The following MAPKAP1 variants were observed in gnomAD, a reference collection of about 807,000 sequenced individuals.
MAPKAP1 encodes target of rapamycin complex 2 subunit MAPKAP1.
MAPKAP1 carries 20 observed loss-of-function variants against 65.7 expected under a neutral mutation model. The observed-to-expected ratio is 0.30, with a 90% CI of 0.21 to 0.44. MAPKAP1 has a LOEUF of 0.44. Among genes scored for constraint, MAPKAP1 ranks in the 20% least tolerant of loss-of-function variants. The pLI is 1.00. For synonymous variants in MAPKAP1, 222 were observed against 244.3 expected, an observed-to-expected ratio of 0.91 and a Z score of 0.85; for missense variants, 423 against 648.0, an observed-to-expected ratio of 0.65 and a Z score of 3.77.
At chr9:125,616,821 A>G (rs980165489) in intron 4 of MAPKAP1, among the ~76,000 whole-genome samples, 42 of 152,328 alleles carry the variant, frequency 2.8e-4, no homozygotes, top group African/African-American at 9.9e-4. Context: ...ATCTGCATGT[A>G]TTCCCTAACA....
intron 7 of MAPKAP1, among the ~76,000 whole-genome samples, chr9:125,518,300 G>C (rs1018386115): frequency 6.6e-6 from 1 of 151,932 alleles, no homozygotes; most frequent in African/African-American, 2.4e-5. Flanking sequence ...AAGTTGGTTG[G>C]GTGCAGTGGC....
chr9:125,505,567 C>T (rs1303614337), intron 8 of MAPKAP1, among the ~76,000 whole-genome samples: 8 of 152,242 alleles, frequency 5.3e-5, no homozygotes, highest in Non-Finnish European at 1.2e-4. Flanking sequence ...GGGACTCAAA[C>T]GAGAGGTGGA....
At position 125,527,749 on chromosome 9, in the gene MAPKAP1, A is replaced by G. The variant is rs543444295; in HGVS notation, c.958+15310T>C. Among the ~76,000 whole-genome samples, 73 of 152,258 alleles carry G rather than the reference A, an allele frequency of 4.8e-4. No individual in the cohort carries two copies. In the South Asian group the frequency reaches 0.015, roughly 30 times the overall value. ...CCTTACGTGACTATCAATGTTTAAA[A>G]TGTCTGCTTTTGGTATACTCCTCTG... On this transcript the variant is annotated intron_variant, in intron 7 of 11. Coordinates refer to ENST00000265960, the MANE Select transcript of MAPKAP1 (RefSeq NM_001006617.3).
Position 125,488,995 on chromosome 9 carries a change from C to A in MAPKAP1, c.1067-4412G>T, listed in dbSNP as rs377019619. On this transcript the variant is annotated intron_variant, in intron 8 of 11. Coordinates refer to ENST00000265960, the MANE Select transcript of MAPKAP1 (RefSeq NM_001006617.3). ...TATACGTTTACTGTTTGTATCTTTCCAGAAAGGAGTGAACCCAACCACACA... is the reference window on the plus strand; with the variant it reads ...TATACGTTTACTGTTTGTATCTTTCAAGAAAGGAGTGAACCCAACCACACA... Among the ~76,000 whole-genome samples the A allele has an allele frequency of 8.7e-4, 133 of 152,246 alleles. 1 individual carries two copies. The highest frequency in any genetic ancestry group is 1.6e-3 in the Non-Finnish European group (110 of 68,008).
At position 125,657,709 on chromosome 9, in the gene MAPKAP1, T is replaced by G. The variant is rs778480574; in HGVS notation, c.440A>C (p.Glu147Ala). Reference protein sequence around the residue: ...GKQSILSVRLEQCPLQLNNPF... With the variant: ...GKQSILSVRLAQCPLQLNNPF... Reference sequence around the variant, plus strand: ...GTTATTCAGCTGCAGAGGGCACTGTTCTAGGCGTACAGATAATATCGACTG... The same window carrying G: ...GTTATTCAGCTGCAGAGGGCACTGTGCTAGGCGTACAGATAATATCGACTG... The change falls in exon 4 of 12, where the codon GAA becomes GCA. Residue 147 changes from glutamate to alanine, a missense_variant. This residue lies in a region of MAPKAP1 where 67 missense variants were observed against 69.6 expected (regional missense o/e 0.96). Coordinates refer to ENST00000265960, the MANE Select transcript of MAPKAP1 (RefSeq NM_001006617.3). 7 of 1,613,904 alleles carry G rather than the reference T, an allele frequency of 4.3e-6. No individual in the cohort carries two copies. Among genetic ancestry groups the G allele is most frequent in the South Asian group, 2.2e-5 (2 of 91,070 alleles).
chr9:125,645,555 G>T (rs1001830273), intron 4 of MAPKAP1, among the ~76,000 whole-genome samples: 1 of 152,012 alleles, frequency 6.6e-6, no homozygotes, highest in Non-Finnish European at 1.5e-5. Flanking sequence ...TGGCCAACAT[G>T]GTGAAACCCC....
chr9:125,470,045 C>T (rs974762313), intron 9 of MAPKAP1, among the ~76,000 whole-genome samples: 2 of 152,124 alleles, frequency 1.3e-5, no homozygotes, highest in African/African-American at 4.8e-5. Flanking sequence ...CCGTGCTCCA[C>T]ATTCTTTTCT....
chr9:125,611,764 A>G (rs1832607413), intron 4 of MAPKAP1, among the ~76,000 whole-genome samples: 1 of 152,232 alleles, frequency 6.6e-6, no homozygotes, highest in Non-Finnish European at 1.5e-5. Context: ...AAAAATAGCA[A>G]TTCTGAAATT....
intron 10 of MAPKAP1, among the ~76,000 whole-genome samples, chr9:125,455,546 A>C (rs1853131723): frequency 6.6e-6 from 1 of 152,266 alleles, no homozygotes; most frequent in African/African-American, 2.4e-5. Flanking sequence ...TCAAAATTTA[A>C]TCATCAAATA....
intron 1 of MAPKAP1, chr9:125,696,292 T>A (rs1458134565): frequency 6.6e-6 from 1 of 151,794 alleles, no homozygotes; most frequent in East Asian, 1.9e-4. Flanking sequence ...ATGCCTGTAG[T>A]CCCAGCTGCT....
In MAPKAP1 at chr9:125,452,619, T is replaced by C. The variant is rs150495184; in HGVS notation, c.1346-8021A>G. On this transcript the variant is annotated intron_variant, in intron 10 of 11. Coordinates refer to ENST00000265960, the MANE Select transcript of MAPKAP1 (RefSeq NM_001006617.3). ...TGTGGATTATACCTATCAACATTTA[T>C]TGTGTTAGAAATTCGGCCAGGTGTG... 3.4e-3 allele frequency among the ~76,000 whole-genome samples: 521 copies of C among 152,238 alleles called. 3 individuals are homozygous for C. Among genetic ancestry groups the C allele is most frequent in the African/African-American group, 0.012 (493 of 41,536 alleles).
rs565702273 is a variant in MAPKAP1, at chr9:125,698,105, CA to C, written c.-70+8865del. Reference sequence around the variant, plus strand: ...TGCTTTTCAGTACTCTGAGTCAAAACAAAGGTCAAGTCCTAGTTTTGCTACT... The same window carrying C: ...TGCTTTTCAGTACTCTGAGTCAAAACAAGGTCAAGTCCTAGTTTTGCTACT... On this transcript the variant is annotated intron_variant, in intron 1 of 11. Transcript: ENST00000265960. Among the ~76,000 whole-genome samples, 30 of 151,254 alleles carry C rather than the reference CA, an allele frequency of 2.0e-4. No homozygotes were observed. The South Asian group carries it at 6.0e-3, about 30-fold the overall frequency.
At position 125,647,255 on chromosome 9, in the gene MAPKAP1, T is replaced by C. The variant is rs900935916; in HGVS notation, c.498+10396A>G. 2.6e-5 allele frequency among the ~76,000 whole-genome samples: 4 copies of C among 152,332 alleles called. No individual in the cohort carries two copies. In the East Asian group the frequency reaches 7.7e-4, roughly 29 times the overall value. On this transcript the variant is annotated intron_variant, in intron 4 of 11. Transcript: ENST00000265960. ...AACTTCAGTTTAACAGAAAGTAAAG[T>C]GGAAATACTAATAAAACACAGCTCT...
At chr9:125,624,364 G>A (rs1174269726) in intron 4 of MAPKAP1, among the ~76,000 whole-genome samples, 9 of 62,062 alleles carry the variant, frequency 1.5e-4, no homozygotes, top group Admixed American at 4.2e-4. Context: ...CCGGCCAGCC[G>A]CCCCATCCGG....
chr9:125,603,090 T>C (rs1268469634), intron 4 of MAPKAP1, among the ~76,000 whole-genome samples: 1 of 151,196 alleles, frequency 6.6e-6, no homozygotes. Flanking sequence ...TTTTTTTTTA[T>C]AGAGACAGAG....
intron 8 of MAPKAP1, among the ~76,000 whole-genome samples, chr9:125,493,517 T>C (rs1381176416): frequency 6.6e-6 from 1 of 152,258 alleles, no homozygotes; most frequent in Non-Finnish European, 1.5e-5. Flanking sequence ...CAATAAATGC[T>C]GCTGATGGAA....
intron 8 of MAPKAP1, among the ~76,000 whole-genome samples, chr9:125,485,346 C>T (rs1204382615): frequency 1.3e-5 from 2 of 151,972 alleles, no homozygotes. Context: ...CATTCATTCA[C>T]CAAATGCTCA....
At chr9:125,701,676 A>G (rs1422594851) in intron 1 of MAPKAP1, among the ~76,000 whole-genome samples, 1 of 152,222 alleles carries the variant, frequency 6.6e-6, no homozygotes, top group African/African-American at 2.4e-5. Context: ...TATGAAGACT[A>G]AAGAAAATAA....
At chr9:125,480,659 C>T (rs183129701) in intron 9 of MAPKAP1, among the ~76,000 whole-genome samples, 98 of 152,264 alleles carry the variant, frequency 6.4e-4, no homozygotes, top group African/African-American at 2.1e-3. Flanking sequence ...AATAACACTA[C>T]GATAAGCTAC....
Sources: gnomAD v4.1 joint callset for allele counts (sites outside exome capture counted in the v4.1 genomes callset) on GRCh38, gnomAD v4.1.1 for gene constraint, gnomAD v4.1.1 regional missense constraint, MANE v1.5 for transcripts, NCBI Gene and HGNC (gene_info 2026-07-23, HGNC 2026-07-21) for gene names.